The following UNC13C variants were observed in gnomAD, a reference collection of about 807,000 sequenced individuals.
UNC13C encodes the protein unc-13 homolog C.
UNC13C carries 174 observed loss-of-function variants against 245.4 expected under a neutral mutation model. That is an observed-to-expected ratio of 0.71 (90% CI 0.63 to 0.80). The LOEUF is 0.80. UNC13C is among the 30% of genes least tolerant of loss of function. The probability of loss-of-function intolerance (pLI) is 0.00; values close to 1 mark genes in which losing one functional copy is unlikely to be tolerated. For synonymous variants in UNC13C, 992 were observed against 895.1 expected, an observed-to-expected ratio of 1.11 and a Z score of -1.93; for missense variants, 2,829 against 2,602.9, an observed-to-expected ratio of 1.09 and a Z score of -1.89.
intron 22 of UNC13C, among the ~76,000 whole-genome samples, chr15:54,502,695 A>T (rs1894281761): frequency 6.6e-6 from 1 of 152,168 alleles, no homozygotes; most frequent in African/African-American, 2.4e-5. Flanking sequence ...ATGTAGGGGA[A>T]GCAGGCTCAT....
At chr15:54,506,851 A>C (rs1596488711) in intron 22 of UNC13C, among the ~76,000 whole-genome samples, 1 of 152,138 alleles carries the variant, frequency 6.6e-6, no homozygotes, top group African/African-American at 2.4e-5. Context: ...AATTTAATCT[A>C]TGTATAAAAG....
intron 18 of UNC13C, among the ~76,000 whole-genome samples, chr15:54,394,539 T>G (rs1413086640): frequency 2.0e-5 from 3 of 151,834 alleles, no homozygotes; most frequent in Non-Finnish European, 4.4e-5. Flanking sequence ...GTTTTCTTAT[T>G]TACTCTTTGG....
intron 1 of UNC13C, among the ~76,000 whole-genome samples, chr15:53,990,799 C>T (rs1485636749): frequency 1.3e-5 from 2 of 151,996 alleles, no homozygotes; most frequent in African/African-American, 2.4e-5. Flanking sequence ...AATTTCAGCC[C>T]TACATTCTCT....
chr15:54,615,457 T>G (rs2141297303), intron 30 of UNC13C, among the ~76,000 whole-genome samples: 1 of 152,152 alleles, frequency 6.6e-6, no homozygotes, highest in East Asian at 1.9e-4. Context: ...GAAGACATCC[T>G]GATGCTCTCA....
At position 54,143,664 on chromosome 15, in the gene UNC13C, T is replaced by G. The variant is rs1423457545; in HGVS notation, c.3051T>G (p.Ser1017=). 6.2e-7 allele frequency: 1 copy of G among 1,613,306 alleles called. No individual in the cohort carries two copies. Among genetic ancestry groups the G allele is most frequent in the African/African-American group, 1.3e-5 (1 of 74,940 alleles). ...SGNDLDASKF[S]ALQVCGGAGG... ...ATGATTTGGATGCTTCCAAATTTTC[T>G]GCACTCCAGGTGTGTGGTGGGTAAG... Residue 1017 remains serine (S), a synonymous_variant, in exon 4 of 33, where the codon TCT becomes TCG. Coordinates refer to ENST00000260323, the MANE Select transcript of UNC13C (RefSeq NM_001080534.3).
At chr15:53,994,753 G>T (rs963481692) in intron 1 of UNC13C, among the ~76,000 whole-genome samples, 1 of 152,036 alleles carries the variant, frequency 6.6e-6, no homozygotes, top group Non-Finnish European at 1.5e-5. Flanking sequence ...AATTGAATGT[G>T]TTTTTTAATG....
At chr15:54,210,297 A>G (rs1197953666) in intron 4 of UNC13C, among the ~76,000 whole-genome samples, 2 of 150,326 alleles carry the variant, frequency 1.3e-5, no homozygotes, top group African/African-American at 4.9e-5. Flanking sequence ...TTTGTTATTT[A>G]GAGTTATTTC....
rs371093947 is a variant in UNC13C, at chr15:54,279,183, C to A, written c.3818+13687C>A. ...TATTTGTGCAGTGACTTGGCATTTT[C>A]AAAAATTCCATCTCTTTGCATTTTT... is the stretch of plus-strand genomic sequence containing the variant. On this transcript the variant is annotated intron_variant, in intron 10 of 32. Transcript: ENST00000260323. Among the ~76,000 whole-genome samples the A allele has an allele frequency of 9.2e-5, 14 of 152,110 alleles. No individual in the cohort carries two copies. The East Asian group carries it at 1.5e-3, about 17-fold the overall frequency.
chr15:54,248,358 C>T (rs2036051909), intron 7 of UNC13C, among the ~76,000 whole-genome samples: 1 of 152,024 alleles, frequency 6.6e-6, no homozygotes, highest in Admixed American at 6.6e-5. Flanking sequence ...CCAGTTAGAA[C>T]GGGAGACTCT....
At chr15:54,169,393 A>G (rs7164297) in intron 4 of UNC13C, among the ~76,000 whole-genome samples, 72,057 of 151,866 alleles carry the variant, frequency 0.47, 17,364 homozygotes, top group East Asian at 0.58. Flanking sequence ...ATGTAGAGAG[A>G]CTATTTTCTT....
At chr15:54,294,620 G>T (rs56116100) in intron 11 of UNC13C, among the ~76,000 whole-genome samples, 3,848 of 152,008 alleles carry the variant, frequency 0.025, 83 homozygotes, top group East Asian at 0.075. Context: ...AATTAAATAA[G>T]GTAAGTTTTA....
chr15:54,075,974 A>C (rs910194842), intron 2 of UNC13C, among the ~76,000 whole-genome samples: 1 of 151,982 alleles, frequency 6.6e-6, no homozygotes, highest in African/African-American at 2.4e-5. Flanking sequence ...TAATTTGTTC[A>C]AAGTCACACA....
At chr15:54,142,887 C>T (rs1018341688) in intron 2 of UNC13C, 131 bp from the exon 3 acceptor site, 7 of 804,544 alleles carry the variant, frequency 8.7e-6, no homozygotes, top group Non-Finnish European at 1.0e-5. Flanking sequence ...TGGGCTCAAC[C>T]TTGAAACTCT....
At chr15:54,298,648 G>T (rs2037497828) in intron 12 of UNC13C, among the ~76,000 whole-genome samples, 1 of 152,150 alleles carries the variant, frequency 6.6e-6, no homozygotes, top group Non-Finnish European at 1.5e-5. Flanking sequence ...AGTTTCACCA[G>T]TTCCCTTTTG....
At chr15:54,536,916 A>C (rs1896006827) in intron 26 of UNC13C, among the ~76,000 whole-genome samples, 1 of 152,070 alleles carries the variant, frequency 6.6e-6, no homozygotes, top group Non-Finnish European at 1.5e-5. Context: ...CTTGAGAACC[A>C]GAACAAGACA....
At chr15:54,529,003 A>T (rs1324246568) in intron 25 of UNC13C, among the ~76,000 whole-genome samples, 2 of 150,914 alleles carry the variant, frequency 1.3e-5, no homozygotes, top group Non-Finnish European at 2.9e-5. Context: ...TCAAGGATTT[A>T]GACTCTCTTG....
At chr15:54,471,616 G>C (rs1365216256) in intron 19 of UNC13C, among the ~76,000 whole-genome samples, 1 of 151,298 alleles carries the variant, frequency 6.6e-6, no homozygotes, top group Non-Finnish European at 1.5e-5. Flanking sequence ...TATGCTATAT[G>C]TAGGTAGCAT....
chr15:54,435,146 T>C (rs765792945), intron 19 of UNC13C, among the ~76,000 whole-genome samples: 2 of 152,144 alleles, frequency 1.3e-5, no homozygotes, highest in Admixed American at 6.6e-5. Flanking sequence ...TTTAAATTAG[T>C]TCAGCAATAG....
intron 26 of UNC13C, among the ~76,000 whole-genome samples, chr15:54,543,634 A>G (rs1896346797): frequency 6.6e-6 from 1 of 152,194 alleles, no homozygotes; most frequent in South Asian, 2.1e-4. Context: ...TCCCACAGAA[A>G]TACAAACTAC....
Sources: allele counts gnomAD v4.1 joint callset (sites outside exome capture counted in the v4.1 genomes callset), GRCh38; gene constraint gnomAD v4.1.1; transcripts MANE v1.5; gene names NCBI Gene and HGNC (gene_info 2026-07-23, HGNC 2026-07-21).